IQCM: variants seen among roughly 807,000 people sequenced by gnomAD.
IQCM encodes IQ domain-containing protein M.
Under a neutral mutation model 57.6 loss-of-function variants are expected in IQCM, and 45 were observed. The ratio of observed to expected loss-of-function variants is 0.78; its 90% CI spans 0.62 to 1.00. The LOEUF is 1.00. Ranked by LOEUF, IQCM falls within the 50% of genes least tolerant of loss-of-function variation. IQCM has a pLI of 0.00. For synonymous variants in IQCM, 148 were observed against 158.9 expected (o/e 0.93, Z 0.51); for missense variants, 468 against 511.6 (o/e 0.91, Z 0.82).
At chr4:149,713,435 T>G (rs1764729669) in intron 5 of IQCM, among the ~76,000 whole-genome samples, 1 of 152,152 alleles carries the variant, frequency 6.6e-6, no homozygotes, top group South Asian at 2.1e-4. Flanking sequence ...TCTGCATAAT[T>G]AATGTGATGG....
At chr4:149,468,917 C>T (rs1344197773) in intron 12 of IQCM, among the ~76,000 whole-genome samples, 2 of 152,182 alleles carry the variant, frequency 1.3e-5, no homozygotes, top group African/African-American at 4.8e-5. Flanking sequence ...TGGGTCCTGA[C>T]TGTTAGAAGG....
chr4:149,673,848 T>A (rs543999040), intron 7 of IQCM, among the ~76,000 whole-genome samples: 14 of 152,202 alleles, frequency 9.2e-5, no homozygotes, highest in African/African-American at 3.4e-4. Flanking sequence ...TCGCACTTAT[T>A]CCAAAAAAGG....
At chr4:149,368,781 CAT>C (rs1491287459) in intron 13 of IQCM, among the ~76,000 whole-genome samples, 4 of 101,828 alleles carry the variant, frequency 3.9e-5, no homozygotes, top group South Asian at 5.5e-4. Flanking sequence ...CATATATATA[CAT>C]GTATATATAT....
At chr4:149,534,853 T>TA (rs1349695455) in intron 12 of IQCM, among the ~76,000 whole-genome samples, 1 of 152,070 alleles carries the variant, frequency 6.6e-6, no homozygotes, top group African/African-American at 2.4e-5. Context: ...GTAACCTTTT[T>TA]AAAAAAAGGA....
intron 6 of IQCM, 110 bp downstream of exon 6, chr4:149,686,268 T>G: frequency 2.3e-6 from 1 of 427,750 alleles, no homozygotes; most frequent in Non-Finnish European, 3.9e-6. Flanking sequence ...ATTAGCTTCA[T>G]GTATGGGGTG....
intron 12 of IQCM, among the ~76,000 whole-genome samples, chr4:149,438,930 A>G (rs1180449884): frequency 6.7e-6 from 1 of 150,316 alleles, no homozygotes; most frequent in Non-Finnish European, 1.5e-5. Context: ...TAACTTAAAC[A>G]AGAGTGAAAA....
intron 9 of IQCM, among the ~76,000 whole-genome samples, chr4:149,571,872 GA>G (rs1466480298): frequency 6.6e-6 from 1 of 152,038 alleles, no homozygotes; most frequent in South Asian, 2.1e-4. Context: ...ATAGGGATGA[GA>G]AAGCAAACAA....
intron 2 of IQCM, among the ~76,000 whole-genome samples, chr4:149,777,470 T>C (rs1351090625): frequency 6.6e-6 from 1 of 152,202 alleles, no homozygotes; most frequent in Non-Finnish European, 1.5e-5. Context: ...TAGCAAACTC[T>C]GAGAAACAAG....
In IQCM at chr4:149,390,026, G is replaced by T. The variant is rs187737187; in HGVS notation, c.1391-37960C>A. ...GAAAAAAAAACTTAGATTTTATATG[G>T]ATTGCATTGAATCTGTAGATCAGGT... On this transcript the variant is annotated intron_variant, in intron 13 of 13. Transcript: ENST00000636793. 3.4e-3 allele frequency among the ~76,000 whole-genome samples: 510 copies of T among 151,986 alleles called. 1 individual carries two copies. Among genetic ancestry groups the T allele is most frequent in the Non-Finnish European group, 5.1e-3 (347 of 67,954 alleles).
At chr4:149,649,931 G>C (rs1039743798) in intron 7 of IQCM, among the ~76,000 whole-genome samples, 1 of 152,128 alleles carries the variant, frequency 6.6e-6, no homozygotes, top group Non-Finnish European at 1.5e-5. Context: ...TTATCATAAA[G>C]AGAACAATGT....
chr4:149,638,560 G>A (rs1029732980), intron 7 of IQCM, among the ~76,000 whole-genome samples: 9 of 151,752 alleles, frequency 5.9e-5, no homozygotes, highest in East Asian at 1.9e-4. Flanking sequence ...ACTACTACTC[G>A]TTAATAAAAA....
At chr4:149,631,238 T>C (rs1378441719) in intron 7 of IQCM, among the ~76,000 whole-genome samples, 1 of 152,176 alleles carries the variant, frequency 6.6e-6, no homozygotes, top group Non-Finnish European at 1.5e-5. Flanking sequence ...ACTATCGGAC[T>C]CTTGCTCCCG....
chr4:149,474,835 T>C (rs1740006512), intron 12 of IQCM, among the ~76,000 whole-genome samples: 1 of 151,932 alleles, frequency 6.6e-6, no homozygotes, highest in Non-Finnish European at 1.5e-5. Context: ...AAAATCTGAG[T>C]AGAGAGCATC....
intron 12 of IQCM, among the ~76,000 whole-genome samples, chr4:149,449,847 C>A (rs10019255): frequency 3.3e-5 from 5 of 151,790 alleles, no homozygotes; most frequent in Non-Finnish European, 5.9e-5. Flanking sequence ...CACAGAAATA[C>A]AAAAGAAAAA....
At chr4:149,758,934 G>A (rs950047474) in intron 2 of IQCM, among the ~76,000 whole-genome samples, 1 of 149,668 alleles carries the variant, frequency 6.7e-6, no homozygotes, top group South Asian at 2.1e-4. Flanking sequence ...ATGTAATCCA[G>A]CTATAGCACT....
At chr4:149,359,679 T>C (rs2110911406) in intron 13 of IQCM, among the ~76,000 whole-genome samples, 1 of 152,322 alleles carries the variant, frequency 6.6e-6, no homozygotes, top group South Asian at 2.1e-4. Flanking sequence ...AGTATTATTG[T>C]GTCCTATATT....
At chr4:149,536,530 T>C (rs1205275077) in intron 12 of IQCM, among the ~76,000 whole-genome samples, 1 of 152,014 alleles carries the variant, frequency 6.6e-6, no homozygotes, top group African/African-American at 2.4e-5. Context: ...CTAAGGAACA[T>C]ATAATTAATA....
At chr4:149,529,181 G>A (rs925418195) in intron 12 of IQCM, among the ~76,000 whole-genome samples, 52 of 151,918 alleles carry the variant, frequency 3.4e-4, no homozygotes, top group African/African-American at 1.2e-3. Flanking sequence ...CTCCCGCTTC[G>A]GCCTCCCAAG....
intron 3 of IQCM, among the ~76,000 whole-genome samples, chr4:149,736,017 G>T (rs961743297): frequency 1.4e-5 from 2 of 145,772 alleles, no homozygotes; most frequent in Non-Finnish European, 3.0e-5. Context: ...GCACAATTCT[G>T]GCTCTGTGCA....
Sources: allele counts gnomAD v4.1 joint callset (sites outside exome capture counted in the v4.1 genomes callset), GRCh38; gene constraint gnomAD v4.1.1; transcripts MANE v1.5; gene names NCBI Gene and HGNC (gene_info 2026-07-23, HGNC 2026-07-21).